WNT11: variants seen among roughly 807,000 people sequenced by gnomAD.
WNT11 encodes the protein protein Wnt-11.
WNT11 carries 20 observed loss-of-function variants against 35.6 expected under a neutral mutation model. The observed-to-expected ratio is 0.56, with a 90% confidence interval of 0.40 to 0.82. WNT11 has a LOEUF of 0.82. Among genes scored for constraint, WNT11 ranks in the 40% least tolerant of loss-of-function variants. The pLI, the probability that WNT11 is intolerant of heterozygous loss-of-function variation, is 0.00. For synonymous variants in WNT11, 200 were observed against 211.9 expected (o/e 0.94, Z 0.49); for missense variants, 459 against 504.4 (o/e 0.91, Z 0.86).
chr11:76,210,739 C>A, upstream of WNT11: 5 of 925,216 alleles, frequency 5.4e-6, no homozygotes, highest in Non-Finnish European at 5.2e-6. Context: ...CCCGAGCTCT[C>A]CTCCTCGCCT....
Position 76,186,631 on chromosome 11 carries a change from T to C in WNT11, c.*434A>G. On this transcript the variant is annotated 3_prime_UTR_variant, in exon 5 of 5. Transcript: ENST00000322563. ...AAAAGAAAACATTTACAACCCAAGC[T>C]AGTGATTCCATGTGGTGGGCCCAGC... 2 of 267,996 alleles carry C rather than the reference T, an allele frequency of 7.5e-6. No homozygotes were observed. The highest frequency in any genetic ancestry group is 8.4e-5 in the South Asian group (2 of 23,782). 16.6% of individuals were successfully genotyped at this position (267,996 alleles called of 1,614,324 possible).
intron 1 of WNT11, among the ~76,000 whole-genome samples, chr11:76,202,109 C>T (rs1267977711): frequency 6.6e-6 from 1 of 152,194 alleles, no homozygotes; most frequent in Non-Finnish European, 1.5e-5. Context: ...TATTGCCAGA[C>T]CATTTCCAGG....
At chr11:76,201,156 G>A (rs1199847117) in intron 1 of WNT11, among the ~76,000 whole-genome samples, 2 of 152,240 alleles carry the variant, frequency 1.3e-5, no homozygotes, top group Non-Finnish European at 2.9e-5. Context: ...CCTTCCAGAC[G>A]AGGCTCAGAC....
rs758876614 is a variant in WNT11 at position 76,196,549 on chromosome 11, C to T, written c.253G>A (p.Ala85Thr). ...EVMKACRRAF[A>T]DMRWNCSSIE... Reference sequence around the variant, plus strand: ...GAGGAGCAGTTCCAGCGCATGTCGGCAAAGGCCCGGCGACAGGCCTTCATG... The same window carrying T: ...GAGGAGCAGTTCCAGCGCATGTCGGTAAAGGCCCGGCGACAGGCCTTCATG... Residue 85 changes from alanine (A) to threonine (T), a missense_variant, in exon 2 of 5, where the codon GCC (alanine) becomes ACC (threonine). Ala to Thr is a moderately conservative substitution (Grantham distance 58). Transcript: ENST00000322563. 1.2e-5 allele frequency: 19 copies of T among 1,613,520 alleles called. No individual in the cohort carries two copies. Among genetic ancestry groups the T allele is most frequent in the Non-Finnish European group, 1.5e-5 (18 of 1,180,056 alleles).
In WNT11 at chr11:76,206,156, G is replaced by C. The variant is rs75898361; in HGVS notation, c.83+169C>G. On this transcript the variant is annotated intron_variant, in intron 1 of 4. Coordinates refer to ENST00000322563, the MANE Select transcript of WNT11 (RefSeq NM_004626.3). Reference sequence around the variant, plus strand: ...CTTTTCGCAAGCCTGCGGGAGGCAGGGACATTTTACAGAGGAGGAAACAGA... The same window carrying C: ...CTTTTCGCAAGCCTGCGGGAGGCAGCGACATTTTACAGAGGAGGAAACAGA... 4.3e-4 allele frequency among the ~76,000 whole-genome samples: 65 copies of C among 152,314 alleles called. No individual in the cohort carries two copies. In the East Asian group the frequency reaches 0.011, roughly 27 times the overall value.
upstream of WNT11, chr11:76,206,625 CCGCCCGGCCGGGGGACGCGTCCCG>C: frequency 9.6e-7 from 1 of 1,043,490 alleles, no homozygotes; most frequent in Non-Finnish European, 1.2e-6. Flanking sequence ...CCCTCCCGCT[CCGCCCGGCCGGGGGACGCGTCCCG>C]CGCCTGGCTC....
chr11:76,194,476 G>A lies in WNT11; in HGVS notation c.597+91C>T, dbSNP rs1053288142. On this transcript the variant is annotated intron_variant, in intron 3 of 4. Transcript: ENST00000322563. This position sits in a 1 kb window ranked among gnomAD's most constrained non-coding sequence, Gnocchi z 5.4. ...TGGGCCAGTCAGGGCCCGTCCCCCCGCACCCCCCACCACTGGGGCAAGCTG... is the reference window on the plus strand; with the variant it reads ...TGGGCCAGTCAGGGCCCGTCCCCCCACACCCCCCACCACTGGGGCAAGCTG... The A allele has an allele frequency of 8.4e-6, 12 of 1,421,700 alleles. No individual in the cohort carries two copies. Among genetic ancestry groups the A allele is most frequent in the Admixed American group, 5.3e-5 (2 of 37,984 alleles). 88.1% of individuals were successfully genotyped at this position (1,421,700 alleles called of 1,614,324 possible).
At chr11:76,193,528 C>CCTA in intron 3 of WNT11, among the ~76,000 whole-genome samples, 3 of 152,362 alleles carry the variant, frequency 2.0e-5, no homozygotes, top group Admixed American at 2.0e-4. Context: ...GGCAGGAGTC[C>CCTA]TGAGTCCCTG....
In WNT11 at chr11:76,194,857, G is replaced by T; in HGVS notation, c.320-13C>A. 6.7e-7 allele frequency: 1 copy of T among 1,489,652 alleles called. No individual in the cohort carries two copies. The allele number at this position is 1,489,652 out of a possible 1,614,324, so 92.3% of individuals were successfully genotyped here. A position where few individuals can be genotyped will look rare whatever the true frequency, so the allele number is the denominator to read the frequency against. On this transcript the variant is annotated splice_polypyrimidine_tract_variant and intron_variant, in intron 2 of 4. Transcript: ENST00000322563. This position sits in a 1 kb window ranked among gnomAD's most constrained non-coding sequence, Gnocchi z 5.4. ...GACTCCCGGGTCCCTGAGGGTGGGA[G>T]GGGAAGGTCAGCCGACGCTGATCCA...
chr11:76,198,050 C>A (rs1953316326), intron 1 of WNT11, among the ~76,000 whole-genome samples: 1 of 152,202 alleles, frequency 6.6e-6, no homozygotes, highest in Admixed American at 6.5e-5. Context: ...CGGTCCTCAC[C>A]CAGGGTCAGG....
chr11:76,192,953 G>T (rs1591303168), intron 3 of WNT11, among the ~76,000 whole-genome samples: 3 of 152,326 alleles, frequency 2.0e-5, no homozygotes, highest in African/African-American at 4.8e-5. Context: ...CACAGAGTGG[G>T]CAGGACTTGC....
chr11:76,206,550 G>C, upstream of WNT11: 2 of 1,219,620 alleles, frequency 1.6e-6, no homozygotes, highest in Non-Finnish European at 2.0e-6. Context: ...GCGGGCGGGG[G>C]AGGCGTTTTA....
intron 1 of WNT11, among the ~76,000 whole-genome samples, chr11:76,206,075 AC>A (rs1276327560): frequency 6.6e-6 from 1 of 152,126 alleles, no homozygotes; most frequent in Non-Finnish European, 1.5e-5. Flanking sequence ...CCCTTGCGCC[AC>A]CGTCAGCTGC....
intron 3 of WNT11, among the ~76,000 whole-genome samples, chr11:76,193,418 G>C (rs536106559): frequency 6.6e-6 from 1 of 151,296 alleles, no homozygotes; most frequent in Non-Finnish European, 1.5e-5. Flanking sequence ...CGTGGCCATG[G>C]TGGTGGGCGT....
chr11:76,201,964 T>G (rs563707652), intron 1 of WNT11, among the ~76,000 whole-genome samples: 34 of 152,258 alleles, frequency 2.2e-4, no homozygotes, highest in Admixed American at 5.2e-4. Flanking sequence ...CCTCTCCCTC[T>G]AGGCACAGGG....
At position 76,186,465 on chromosome 11, in the gene WNT11, G is replaced by A. The variant is rs946087049; in HGVS notation, c.*600C>T. 6.7e-6 allele frequency: 1 copy of A among 149,692 alleles called. No homozygotes were observed. The highest frequency in any genetic ancestry group is 2.5e-5 in the African/African-American group (1 of 40,802). 9.3% of individuals were successfully genotyped at this position (149,692 alleles called of 1,614,324 possible). ...TGCTTAAAAAGCTAGTTTTAAAATA[G>A]AGATCATTATATATATACATATATA... On this transcript the variant is annotated 3_prime_UTR_variant, in exon 5 of 5. Coordinates refer to ENST00000322563, the MANE Select transcript of WNT11 (RefSeq NM_004626.3).
chr11:76,189,197 T>C (rs1214203769), intron 4 of WNT11, among the ~76,000 whole-genome samples: 2 of 152,268 alleles, frequency 1.3e-5, no homozygotes, highest in African/African-American at 2.4e-5. Flanking sequence ...CTGAAGGCTC[T>C]GGCTGAGCAC....
chr11:76,201,341 G>A (rs924568254), intron 1 of WNT11, among the ~76,000 whole-genome samples: 2 of 152,224 alleles, frequency 1.3e-5, no homozygotes, highest in South Asian at 2.1e-4. Flanking sequence ...TCACAGGCGG[G>A]AGGCAGCAGA....
Position 76,187,130 on chromosome 11 carries a change from G to C in WNT11, c.1000C>G (p.His334Asp), listed in dbSNP as rs1953108552. The change falls in exon 5 of 5, where the codon CAC becomes GAC. Residue 334 changes from histidine (H) to aspartate (D), a missense_variant. Transcript: ENST00000322563. Reference protein sequence around the residue: ...RVVERCHCKYHWCCYVTCRRC... With the variant: ...RVVERCHCKYDWCCYVTCRRC... The stretch of plus-strand genomic sequence containing the variant: ...CGGCAGGTGACGTAGCAGCACCAGT[G>C]GTACTTACAGTGGCACCGCTCGACC... 4 of 1,612,508 alleles carry C rather than the reference G, an allele frequency of 2.5e-6. No individual in the cohort carries two copies. The highest frequency in any genetic ancestry group is 1.3e-5 in the African/African-American group (1 of 75,066).
Sources: gnomAD v4.1 joint callset for allele counts (sites outside exome capture counted in the v4.1 genomes callset) on GRCh38, gnomAD v4.1.1 for gene constraint, Gnocchi (gnomAD v3.1) non-coding constraint, MANE v1.5 for transcripts, NCBI Gene and HGNC (gene_info 2026-07-23, HGNC 2026-07-21) for gene names.